CSNK2A2IP: variants seen among roughly 807,000 people sequenced by gnomAD.
CSNK2A2IP encodes casein kinase 2 subunit alpha' interacting protein, also known as casein kinase II subunit alpha'-interacting protein.
At chr3:88,363,114 T>A in the CSNK2A2IP span, among the ~76,000 whole-genome samples, 2 of 152,164 alleles carry the variant, frequency 1.3e-5, no homozygotes, top group African/African-American at 4.8e-5. Flanking sequence ...ATTTTCTCTT[T>A]GAGCTACACT....
chr3:88,375,612 A>G, the CSNK2A2IP span, among the ~76,000 whole-genome samples: 2 of 151,732 alleles, frequency 1.3e-5, no homozygotes, highest in Non-Finnish European at 2.9e-5. Flanking sequence ...TAACCTGGAA[A>G]TAACTCTATA....
chr3:88,391,871 T>C, the CSNK2A2IP span, among the ~76,000 whole-genome samples: 1 of 152,152 alleles, frequency 6.6e-6, no homozygotes, highest in African/African-American at 2.4e-5. Flanking sequence ...TGATCATATA[T>C]GCATTTCAGG....
the CSNK2A2IP span, among the ~76,000 whole-genome samples, chr3:88,405,521 C>T: frequency 6.6e-6 from 1 of 152,188 alleles, no homozygotes; most frequent in East Asian, 1.9e-4. Context: ...GAGTTCTCTA[C>T]AGAGCCCTCT....
At chr3:88,429,521 CA>C in the CSNK2A2IP span, among the ~76,000 whole-genome samples, 1 of 152,130 alleles carries the variant, frequency 6.6e-6, no homozygotes. Context: ...GCAGAAAATT[CA>C]TCGTTTGTAA....
At chr3:88,372,147 T>C in the CSNK2A2IP span, among the ~76,000 whole-genome samples, 2 of 151,698 alleles carry the variant, frequency 1.3e-5, no homozygotes, top group Non-Finnish European at 3.0e-5. Context: ...TTTCAATTTT[T>C]TAAAAGATCT....
the CSNK2A2IP span, among the ~76,000 whole-genome samples, chr3:88,398,715 CA>C: frequency 3.3e-5 from 5 of 152,086 alleles, no homozygotes; most frequent in Non-Finnish European, 5.9e-5. Context: ...CTATTCTGGC[CA>C]TGAAGTCTTG....
chr3:88,360,284 C>A, the CSNK2A2IP span, among the ~76,000 whole-genome samples: 1 of 151,956 alleles, frequency 6.6e-6, no homozygotes, highest in Non-Finnish European at 1.5e-5. Context: ...CAGGCGCCCA[C>A]CACAACGCCC....
At chr3:88,401,462 T>G in the CSNK2A2IP span, among the ~76,000 whole-genome samples, 1 of 152,120 alleles carries the variant, frequency 6.6e-6, no homozygotes, top group African/African-American at 2.4e-5. Context: ...AAATTTTCAT[T>G]AAATTATAAA....
At chr3:88,408,291 C>A in the CSNK2A2IP span, among the ~76,000 whole-genome samples, 1 of 150,900 alleles carries the variant, frequency 6.6e-6, no homozygotes, top group Non-Finnish European at 1.5e-5. Flanking sequence ...TTATTGTTAC[C>A]GCAAGTCTGA....
the CSNK2A2IP span, among the ~76,000 whole-genome samples, chr3:88,409,337 T>C: frequency 3.9e-5 from 6 of 152,024 alleles, no homozygotes; most frequent in Non-Finnish European, 7.4e-5. Flanking sequence ...TCACATTTTC[T>C]GAGAAAATGG....
the CSNK2A2IP span, among the ~76,000 whole-genome samples, chr3:88,434,749 CA>C: frequency 3.3e-5 from 5 of 152,100 alleles, no homozygotes; most frequent in African/African-American, 1.2e-4. Context: ...AAGCCACTCA[CA>C]GAAGTACCTG....
the CSNK2A2IP span, among the ~76,000 whole-genome samples, chr3:88,413,745 A>G: frequency 6.6e-6 from 1 of 151,956 alleles, no homozygotes; most frequent in Non-Finnish European, 1.5e-5. Context: ...TTTTCAAAAT[A>G]AAAAAACATG....
chr3:88,436,703 A>G, the CSNK2A2IP span, among the ~76,000 whole-genome samples: 4 of 152,112 alleles, frequency 2.6e-5, no homozygotes, highest in Non-Finnish European at 5.9e-5. Flanking sequence ...ATTATTCAGG[A>G]AGGAGGAAGA....
chr3:88,393,841 T>C, the CSNK2A2IP span, among the ~76,000 whole-genome samples: 7 of 152,280 alleles, frequency 4.6e-5, no homozygotes, highest in Non-Finnish European at 8.8e-5. Context: ...GTGCCAAGGT[T>C]ATTAGTGAAT....
chr3:88,410,594 A>T, the CSNK2A2IP span, among the ~76,000 whole-genome samples: 1 of 152,038 alleles, frequency 6.6e-6, no homozygotes, highest in Non-Finnish European at 1.5e-5. Flanking sequence ...TATCTTTAAA[A>T]CTTGTCTTTT....
the CSNK2A2IP span, among the ~76,000 whole-genome samples, chr3:88,411,609 T>C: frequency 1.2e-4 from 18 of 151,968 alleles, no homozygotes; most frequent in Non-Finnish European, 2.2e-4. Context: ...TTCATTTAAG[T>C]TTAATTTTAA....
the CSNK2A2IP span, among the ~76,000 whole-genome samples, chr3:88,405,291 G>C: frequency 6.6e-6 from 1 of 152,026 alleles, no homozygotes; most frequent in African/African-American, 2.4e-5. Flanking sequence ...TCTTTAACAG[G>C]ATCTATGCTT....
chr3:88,434,757 C>T, the CSNK2A2IP span, among the ~76,000 whole-genome samples: 1 of 152,016 alleles, frequency 6.6e-6, no homozygotes, highest in Non-Finnish European at 1.5e-5. Flanking sequence ...CACAGAAGTA[C>T]CTGTATGGTG....
the CSNK2A2IP span, among the ~76,000 whole-genome samples, chr3:88,369,122 G>A: frequency 6.6e-6 from 1 of 151,932 alleles, no homozygotes; most frequent in Non-Finnish European, 1.5e-5. Context: ...GCAAGGATTG[G>A]GGAAATTACT....
Sources: allele counts gnomAD v4.1 joint callset (sites outside exome capture counted in the v4.1 genomes callset), GRCh38; gene constraint gnomAD v4.1.1; transcripts MANE v1.5; gene names NCBI Gene and HGNC (gene_info 2026-07-23, HGNC 2026-07-21).